MRPS9: variants seen among roughly 807,000 people sequenced by gnomAD.
MRPS9 encodes the protein small ribosomal subunit protein uS9m.
MRPS9 carries 45 observed loss-of-function variants against 59.9 expected under a neutral mutation model. The ratio of observed to expected loss-of-function variants is 0.75; its 90% CI spans 0.59 to 0.96. MRPS9 has a LOEUF of 0.96. Among genes scored for constraint, MRPS9 ranks in the 40% least tolerant of loss-of-function variants. The probability of loss-of-function intolerance (pLI) is 0.00; values close to 1 mark genes in which losing one functional copy is unlikely to be tolerated. For missense variants in MRPS9, 473 were observed against 481.1 expected (o/e 0.98, Z 0.16); for synonymous variants, 171 against 166.8 (o/e 1.03, Z -0.19).
chr2:105,056,823 T>C (rs1679798896), intron 2 of MRPS9, among the ~76,000 whole-genome samples: 1 of 152,184 alleles, frequency 6.6e-6, no homozygotes, highest in Non-Finnish European at 1.5e-5. Flanking sequence ...CAATGTGAGT[T>C]GGTAAAAAGG....
chr2:105,047,647 C>T (rs545967008), intron 1 of MRPS9, among the ~76,000 whole-genome samples: 1 of 152,166 alleles, frequency 6.6e-6, no homozygotes, highest in African/African-American at 2.4e-5. Flanking sequence ...AGGTTGAGAA[C>T]TACAGGTTTG....
chr2:105,043,393 T>C (rs1172674108), intron 1 of MRPS9, among the ~76,000 whole-genome samples: 3 of 152,152 alleles, frequency 2.0e-5, no homozygotes, highest in Non-Finnish European at 2.9e-5. Context: ...TCGCTGGTTA[T>C]AGTTGAGAAG....
At position 105,038,092 on chromosome 2, in the gene MRPS9, C is replaced by G. The variant is rs1679419586; in HGVS notation, c.-1C>G. 1.2e-6 allele frequency: 2 copies of G among 1,613,596 alleles called. No individual in the cohort carries two copies. Among genetic ancestry groups the G allele is most frequent in the Non-Finnish European group, 1.7e-6 (2 of 1,179,972 alleles). The stretch of plus-strand genomic sequence containing the variant: ...CCGGTCCTGGAGCTCCCACAGCTAA[C>G]ATGGCGGCGCCCTGTGTGTCCTACG... On this transcript the variant is annotated 5_prime_UTR_variant, in exon 1 of 11. Transcript: ENST00000258455.
intron 2 of MRPS9, among the ~76,000 whole-genome samples, chr2:105,053,432 A>G (rs904140630): frequency 1.3e-5 from 2 of 152,224 alleles, no homozygotes; most frequent in Non-Finnish European, 2.9e-5. Context: ...GTTTTTTCAT[A>G]CTAGTTATCC....
intron 1 of MRPS9, among the ~76,000 whole-genome samples, chr2:105,039,750 T>C (rs977206581): frequency 6.6e-6 from 1 of 152,266 alleles, no homozygotes; most frequent in Non-Finnish European, 1.5e-5. Flanking sequence ...GGACATTTGC[T>C]TTGTTTCTAC....
chr2:105,043,001 T>A (rs1679527576), intron 1 of MRPS9, among the ~76,000 whole-genome samples: 1 of 152,072 alleles, frequency 6.6e-6, no homozygotes, highest in South Asian at 2.1e-4. Context: ...CCAGACATTC[T>A]GTTATTTTAC....
chr2:105,096,096 G>C (rs1680654026), intron 9 of MRPS9, among the ~76,000 whole-genome samples: 1 of 151,986 alleles, frequency 6.6e-6, no homozygotes, highest in South Asian at 2.1e-4. Flanking sequence ...GTTTTTTGTT[G>C]TTGTAGGAGT....
chr2:105,080,912 A>G (rs75907107), intron 5 of MRPS9, among the ~76,000 whole-genome samples: 90 of 94,466 alleles, frequency 9.5e-4, no homozygotes, highest in African/African-American at 2.6e-3. Flanking sequence ...TTCTTGGGGG[A>G]AAAAAAAAAA....
At chr2:105,089,436 C>T (rs1176152341) in intron 6 of MRPS9, among the ~76,000 whole-genome samples, 2 of 144,954 alleles carry the variant, frequency 1.4e-5, no homozygotes, top group Non-Finnish European at 3.1e-5. Flanking sequence ...TGGCAGACAG[C>T]GATAAGATCA....
chr2:105,099,220 G>A (rs1174959333), intron 10 of MRPS9: 1 of 152,732 alleles, frequency 6.5e-6, no homozygotes, highest in Non-Finnish European at 1.5e-5. Context: ...GTTAATAGAT[G>A]GTATCTAAGT....
At chr2:105,038,822 G>A (rs954502600) in intron 1 of MRPS9, among the ~76,000 whole-genome samples, 1 of 152,182 alleles carries the variant, frequency 6.6e-6, no homozygotes, top group Non-Finnish European at 1.5e-5. Context: ...ACTGACATGC[G>A]ATCTCAGAGC....
intron 9 of MRPS9, among the ~76,000 whole-genome samples, chr2:105,094,783 T>C (rs904812291): frequency 2.0e-5 from 3 of 152,204 alleles, no homozygotes; most frequent in African/African-American, 4.8e-5. Context: ...AACTTCAACA[T>C]TGGGAACTAT....
intron 2 of MRPS9, among the ~76,000 whole-genome samples, chr2:105,065,799 A>G (rs960175556): frequency 6.6e-6 from 1 of 152,198 alleles, no homozygotes; most frequent in Non-Finnish European, 1.5e-5. Flanking sequence ...TTCTCTTGTT[A>G]TATGTATTTG....
chr2:105,068,904 C>T (rs1159935912), intron 2 of MRPS9, among the ~76,000 whole-genome samples: 4 of 152,126 alleles, frequency 2.6e-5, no homozygotes, highest in Admixed American at 6.5e-5. Flanking sequence ...GTGAATAACA[C>T]GTGCTTATGT....
chr2:105,055,875 A>G (rs1309831978), intron 2 of MRPS9, among the ~76,000 whole-genome samples: 1 of 152,236 alleles, frequency 6.6e-6, no homozygotes, highest in Non-Finnish European at 1.5e-5. Context: ...TCCAAAATCA[A>G]GAAAATATTT....
At chr2:105,080,359 G>C (rs77288658) in intron 5 of MRPS9, among the ~76,000 whole-genome samples, 1 of 152,082 alleles carries the variant, frequency 6.6e-6, no homozygotes. Flanking sequence ...GTGCTTCCAG[G>C]GTAAAGAAGG....
At chr2:105,073,670 A>G (rs879778035) in intron 4 of MRPS9, among the ~76,000 whole-genome samples, 3 of 152,206 alleles carry the variant, frequency 2.0e-5, no homozygotes, top group Admixed American at 2.0e-4. Context: ...ATTAAGTGAA[A>G]CAAAGATGAC....
chr2:105,084,207 A>G (rs1189125716), intron 5 of MRPS9, among the ~76,000 whole-genome samples: 1 of 149,888 alleles, frequency 6.7e-6, no homozygotes, highest in East Asian at 2.0e-4. Context: ...ATTTCTTTAA[A>G]TTGAAGGAGT....
chr2:105,098,010 T>G (rs1680704305), intron 10 of MRPS9, among the ~76,000 whole-genome samples: 1 of 152,170 alleles, frequency 6.6e-6, no homozygotes, highest in African/African-American at 2.4e-5. Context: ...TCATAGAAAT[T>G]TGTAATAATT....
Sources: allele counts gnomAD v4.1 joint callset (sites outside exome capture counted in the v4.1 genomes callset), GRCh38; gene constraint gnomAD v4.1.1; transcripts MANE v1.5; gene names NCBI Gene and HGNC (gene_info 2026-07-23, HGNC 2026-07-21).